The following C1QBP variants were observed in gnomAD, a reference collection of about 807,000 sequenced individuals.
C1QBP encodes complement C1q binding protein.
C1QBP carries 24 observed loss-of-function variants against 29.4 expected under a neutral mutation model. The observed-to-expected ratio is 0.82, with a 90% CI of 0.59 to 1.15. The LOEUF (loss-of-function observed/expected upper bound fraction) is 1.15. C1QBP is among the 50% of genes most tolerant of loss of function. C1QBP has a pLI of 0.00. For missense variants in C1QBP, 337 were observed against 355.8 expected (o/e 0.95, Z 0.43); for synonymous variants, 182 against 149.2 (o/e 1.22, Z -1.60).
chr17:5,438,405 T>A, intron 1 of C1QBP, 132 bp from the exon 2 acceptor site: 1 of 1,151,214 alleles, frequency 8.7e-7, no homozygotes, highest in Non-Finnish European at 1.2e-6. Context: ...TCTAGAAGCC[T>A]GTTTCCTTAT....
rs967750764 is a variant in C1QBP, at chr17:5,438,548, T to G, written c.233-275A>C. On this transcript the variant is annotated intron_variant, in intron 1 of 5. Coordinates refer to ENST00000225698, the MANE Select transcript of C1QBP (RefSeq NM_001212.4). ...ATCCTCTTCCACTTGCCAAACGATATAACTATGCTATTTTCAACCACGACC... is the reference window on the plus strand; with the variant it reads ...ATCCTCTTCCACTTGCCAAACGATAGAACTATGCTATTTTCAACCACGACC... The G allele has an allele frequency of 4.3e-6, 3 of 705,020 alleles. No individual in the cohort carries two copies. The Admixed American group carries it at 9.4e-5, about 22-fold the overall frequency. The allele number at this position is 705,020 out of a possible 1,614,324, so 43.7% of individuals were successfully genotyped here.
chr17:5,436,443 A>C (rs1916273678), intron 2 of C1QBP, among the ~76,000 whole-genome samples: 1 of 151,582 alleles, frequency 6.6e-6, no homozygotes, highest in Non-Finnish European at 1.5e-5. Context: ...TAAGGCATAC[A>C]TCTTCACAAC....
chr17:5,433,861 A>AT (rs1375475593), intron 3 of C1QBP, 94 bp from the exon 4 acceptor site: 1 of 1,037,630 alleles, frequency 9.6e-7, no homozygotes, highest in African/African-American at 1.6e-5. Flanking sequence ...GGCCACCACT[A>AT]TTAGGATATT....
chr17:5,434,250 G>A (rs1303667360), intron 3 of C1QBP: 1 of 199,588 alleles, frequency 5.0e-6, no homozygotes, highest in Admixed American at 5.3e-5. Context: ...GGAGATGCTA[G>A]TTGGGGTGGC....
Position 5,438,702 on chromosome 17 carries a change from A to C in C1QBP, c.232+140T>G, listed in dbSNP as rs1009239661. 5 of 1,522,792 alleles carry C rather than the reference A, an allele frequency of 3.3e-6. No homozygotes were observed. In the African/African-American group the frequency reaches 7.0e-5, roughly 21 times the overall value. 94.3% of individuals were successfully genotyped at this position (1,522,792 alleles called of 1,614,324 possible). On this transcript the variant is annotated intron_variant, in intron 1 of 5. Transcript: ENST00000225698. ...GGATAGGGGAGGTGGGGGAAATATG[A>C]TCATACGTGGGTTTAGCCCGCTGGT...
intron 3 of C1QBP, chr17:5,434,094 G>A (rs1916188499): frequency 3.1e-6 from 1 of 319,192 alleles, no homozygotes; most frequent in Non-Finnish European, 6.0e-6. Flanking sequence ...AAAGTTTCAA[G>A]ATCTCTTTCC....
chr17:5,436,024 GAC>G (rs1916262419), intron 2 of C1QBP, among the ~76,000 whole-genome samples: 1 of 129,778 alleles, frequency 7.7e-6, no homozygotes, highest in South Asian at 2.6e-4. Flanking sequence ...CCAGCCTGGA[GAC>G]ACAGCAAGAC....
In C1QBP at chr17:5,433,204, AATG is replaced by A; in HGVS notation, c.700-43_700-41del. ...ATTTACTAGTTAAAAAAAAATCTGT[AATG>A]AACATTAAAATGCTTTTTTCTCCCC... is the stretch of plus-strand genomic sequence containing the variant. On this transcript the variant is annotated intron_variant, in intron 5 of 5. Transcript: ENST00000225698. The A allele has an allele frequency of 1.9e-6, 3 of 1,609,144 alleles. No homozygotes were observed. In the South Asian group the frequency reaches 3.3e-5, roughly 18 times the overall value.
chr17:5,438,410 C>G (rs761001980), intron 1 of C1QBP, 137 bp from the exon 2 acceptor site: 97 of 1,129,862 alleles, frequency 8.6e-5, no homozygotes, highest in Non-Finnish European at 1.2e-4. Context: ...AAGCCTGTTT[C>G]CTTATCGGTA....
intron 3 of C1QBP, 128 bp downstream of exon 3, chr17:5,434,745 C>T (rs1013444094): frequency 2.7e-5 from 20 of 732,108 alleles, no homozygotes; most frequent in African/African-American, 2.3e-4. Context: ...GGATTATAGG[C>T]GTGAGCCATG....
intron 2 of C1QBP, among the ~76,000 whole-genome samples, chr17:5,435,422 C>A (rs1916242230): frequency 6.6e-6 from 1 of 152,110 alleles, no homozygotes; most frequent in Non-Finnish European, 1.5e-5. Context: ...CTTTCCCCGT[C>A]AGAAAATTTG....
chr17:5,438,872 C>A lies in C1QBP; in HGVS notation c.202G>T (p.Gly68Cys). ...GTGTGCAGCGAGCCGCAGCCACAGCCACAGGCGCAGGGTCCGCGAGGCCGC... is the reference window on the plus strand; with the variant it reads ...GTGTGCAGCGAGCCGCAGCCACAGCAACAGGCGCAGGGTCCGCGAGGCCGC... ...LLRPRGPCAC[G>C]CGCGSLHTDG... Residue 68 changes from glycine (G) to cysteine (C), a missense_variant, in exon 1 of 6, where the codon GGC (glycine) becomes TGC (cysteine). Coordinates refer to ENST00000225698, the MANE Select transcript of C1QBP (RefSeq NM_001212.4). 1.3e-6 allele frequency: 2 copies of A among 1,545,686 alleles called. No homozygotes were observed. Among genetic ancestry groups the A allele is most frequent in the East Asian group, 2.5e-5 (1 of 40,514 alleles).
intron 3 of C1QBP, 120 bp downstream of exon 3, chr17:5,434,753 A>G: frequency 1.2e-6 from 1 of 817,828 alleles, no homozygotes; most frequent in Non-Finnish European, 1.9e-6. Flanking sequence ...GGCGTGAGCC[A>G]TGCGACTGGA....
chr17:5,436,397 AAACT>A (rs1445114741), intron 2 of C1QBP, among the ~76,000 whole-genome samples: 1 of 151,540 alleles, frequency 6.6e-6, no homozygotes, highest in Non-Finnish European at 1.5e-5. Context: ...TCACAGACCT[AAACT>A]AAGAGCTAAA....
intron 1 of C1QBP, chr17:5,438,593 C>T (rs1916336746): frequency 3.7e-6 from 3 of 819,794 alleles, no homozygotes; most frequent in East Asian, 2.8e-5. Context: ...CCCAAAGGTC[C>T]ACTTTCGATA....
At position 5,438,977 on chromosome 17, in the gene C1QBP, G is replaced by A; in HGVS notation, c.97C>T (p.Gln33Ter). The part of the protein sequence containing the change: ...APASPFRQLL[Q>*]PAPRLCTRPF... ...CGGGTGCACAGCCGGGGTGCCGGCT[G>A]CAGGAGCTGCCGGAAAGGCGAGGCG... The change falls in exon 1 of 6, where the codon CAG (glutamine) becomes TAG (stop). Residue 33 changes from glutamine (Q) to a stop codon, truncating the protein, a stop_gained. Coordinates refer to ENST00000225698, the MANE Select transcript of C1QBP (RefSeq NM_001212.4). LOFTEE classifies it high-confidence loss of function. The A allele has an allele frequency of 6.7e-7, 1 of 1,502,328 alleles. No homozygotes were observed. 93.1% of individuals were successfully genotyped at this position (1,502,328 alleles called of 1,614,324 possible). A position where few individuals can be genotyped will look rare whatever the true frequency, so the allele number is the denominator to read the frequency against.
Position 5,439,018 on chromosome 17 carries a change from A to G in C1QBP, c.56T>C (p.Leu19Pro). 6.7e-7 allele frequency: 1 copy of G among 1,501,370 alleles called. No individual in the cohort carries two copies. 93.0% of individuals were successfully genotyped at this position (1,501,370 alleles called of 1,614,324 possible). The part of the protein sequence containing the change: ...PRVLGSSVAG[L>P]RAAAPASPFR... ...AGGCGAGGCGGGCGCGGCAGCGCGGAGGCCGGCGACGGAGGAGCCCAGCAC... is the reference window on the plus strand; with the variant it reads ...AGGCGAGGCGGGCGCGGCAGCGCGGGGGCCGGCGACGGAGGAGCCCAGCAC... Residue 19 changes from leucine to proline, a missense_variant, in exon 1 of 6, where the codon CTC becomes CCC. Transcript: ENST00000225698.
intron 3 of C1QBP, among the ~76,000 whole-genome samples, chr17:5,434,506 T>C (rs1252433542): frequency 7.1e-6 from 1 of 141,524 alleles, no homozygotes; most frequent in African/African-American, 2.6e-5. Flanking sequence ...TCTTGCTCTG[T>C]CGCCAGGCTG....
chr17:5,439,023 GGCGACGGAGGAGCCCA>G lies in C1QBP; in HGVS notation c.35_50del (p.Leu12ProfsTer70). On this transcript the variant is annotated frameshift_variant, in exon 1 of 6. Transcript: ENST00000225698. LOFTEE classifies it high-confidence loss of function. ...AGGCGGGCGCGGCAGCGCGGAGGCC[GGCGACGGAGGAGCCCA>G]GCACACGGGGCACGCAGCGCAGCAG... 1 of 1,506,884 alleles carries G rather than the reference GGCGACGGAGGAGCCCA, an allele frequency of 6.6e-7. No individual in the cohort carries two copies. 93.3% of individuals were successfully genotyped at this position (1,506,884 alleles called of 1,614,324 possible). A position where few individuals can be genotyped will look rare whatever the true frequency, so the allele number is the denominator to read the frequency against.
Sources: allele counts gnomAD v4.1 joint callset (sites outside exome capture counted in the v4.1 genomes callset), GRCh38; gene constraint gnomAD v4.1.1; transcripts MANE v1.5; gene names NCBI Gene and HGNC (gene_info 2026-07-23, HGNC 2026-07-21).